Variants in SETBP1 observed in about 807,000 individuals in gnomAD.
SETBP1 encodes the protein SET binding protein 1, also known as SET-binding protein.
A neutral mutation model predicts 101.0 loss-of-function variants in SETBP1; 9 were observed. The ratio of observed to expected loss-of-function variants is 0.09; its 90% confidence interval spans 0.05 to 0.16. The LOEUF is 0.16. Among genes scored for constraint, SETBP1 ranks in the 10% least tolerant of loss-of-function variants. SETBP1 has a pLI of 1.00. For synonymous variants in SETBP1, 818 were observed against 788.5 expected, an observed-to-expected ratio of 1.04 and a Z score of -0.63; for missense variants, 1,858 against 2,033.8, an observed-to-expected ratio of 0.91 and a Z score of 1.66.
intron 4 of SETBP1, among the ~76,000 whole-genome samples, chr18:44,989,800 C>T (rs1159730089): frequency 9.5e-5 from 12 of 125,746 alleles, no homozygotes; most frequent in South Asian, 2.8e-4. Flanking sequence ...ACCCGGGAGG[C>T]GGAGCTTGCA....
chr18:44,749,129 C>A (rs2070326954), intron 2 of SETBP1, among the ~76,000 whole-genome samples: 1 of 152,200 alleles, frequency 6.6e-6, no homozygotes, highest in African/African-American at 2.4e-5. Context: ...CCCTTTCCAT[C>A]ACTCAAAGCA....
At chr18:44,806,437 T>A (rs1373358335) in intron 2 of SETBP1, among the ~76,000 whole-genome samples, 1 of 152,056 alleles carries the variant, frequency 6.6e-6, no homozygotes, top group Non-Finnish European at 1.5e-5. Flanking sequence ...TCTCTCTCTG[T>A]CTCGCTGTAT....
chr18:44,847,673 A>C (rs1174216679), intron 2 of SETBP1, among the ~76,000 whole-genome samples: 2 of 152,234 alleles, frequency 1.3e-5, no homozygotes, highest in Non-Finnish European at 2.9e-5. Context: ...AAGTCCCTGT[A>C]CTTCTGGAGT....
chr18:44,818,390 A>G (rs551549942), intron 2 of SETBP1, among the ~76,000 whole-genome samples: 1 of 152,288 alleles, frequency 6.6e-6, no homozygotes, highest in South Asian at 2.1e-4. Flanking sequence ...GGGCAGTGAC[A>G]TTGGCCAAGG....
At chr18:44,729,914 T>C in intron 2 of SETBP1, among the ~76,000 whole-genome samples, 1 of 152,180 alleles carries the variant, frequency 6.6e-6, no homozygotes, top group East Asian at 1.9e-4. Flanking sequence ...ACTGTGACTT[T>C]TGAGAGAGTG....
chr18:44,879,997 A>G (rs622068), intron 3 of SETBP1, among the ~76,000 whole-genome samples: 151,508 of 152,346 alleles, frequency 0.99, 75,344 homozygotes, highest in East Asian at 1. Context: ...CAGGCCCAGT[A>G]ATCCTCTCCA....
rs180678704 is a variant in SETBP1, at chr18:44,728,015, G to A, written c.486+26183G>A. On this transcript the variant is annotated intron_variant, in intron 2 of 5. Transcript: ENST00000649279. ...CCATTTATCCCCTGTTTGCTCTACC[G>A]TCACTTATTAGGTTCACTCTGAAGA... is the stretch of plus-strand genomic sequence containing the variant. 5.9e-5 allele frequency among the ~76,000 whole-genome samples: 9 copies of A among 152,260 alleles called. No individual in the cohort carries two copies. The East Asian group carries it at 7.7e-4, about 13-fold the overall frequency.
In SETBP1 at chr18:44,815,421, A is replaced by G. The variant is rs765801264; in HGVS notation, c.487-53809A>G. 6.3e-4 allele frequency among the ~76,000 whole-genome samples: 96 copies of G among 152,234 alleles called. 3 individuals carry two copies. The highest frequency in any genetic ancestry group is 2.0e-4 in the Admixed American group (3 of 15,284). ...CCGTATCTACTTTTCAGGGGCAAAG[A>G]AGGGAGAAATGGGCAATAGACATTT... On this transcript the variant is annotated intron_variant, in intron 2 of 5. Transcript: ENST00000649279.
intron 4 of SETBP1, among the ~76,000 whole-genome samples, chr18:45,000,469 G>A (rs2072594191): frequency 6.6e-6 from 1 of 152,110 alleles, no homozygotes; most frequent in Non-Finnish European, 1.5e-5. Flanking sequence ...GGTAAGTGTA[G>A]GGGGAGGTTG....
At chr18:44,868,732 A>G (rs1241721043) in intron 2 of SETBP1, among the ~76,000 whole-genome samples, 82 of 55,202 alleles carry the variant, frequency 1.5e-3, no homozygotes, top group African/African-American at 4.0e-3. Context: ...GGAAGGAAGG[A>G]AGGAAGGAAG....
chr18:45,036,044 TAAG>T (rs757581024), intron 4 of SETBP1, among the ~76,000 whole-genome samples: 4 of 152,164 alleles, frequency 2.6e-5, no homozygotes, highest in Non-Finnish European at 5.9e-5. Context: ...TAAAGAAGGC[TAAG>T]AAGTGGCCAG....
rs185089297 is a variant in SETBP1, at chr18:44,737,741, A to G, written c.486+35909A>G. Among the ~76,000 whole-genome samples, 22 of 152,346 alleles carry G rather than the reference A, an allele frequency of 1.4e-4. No individual in the cohort carries two copies. In the East Asian group the frequency reaches 4.1e-3, roughly 28 times the overall value. ...TGCCTTTGTAGGCAGTGAGTTTCCA[A>G]TAGCTGGCTGGAAGTTCCAGAACAG... On this transcript the variant is annotated intron_variant, in intron 2 of 5. Transcript: ENST00000649279.
chr18:44,832,197 CAG>C (rs1007725637), intron 2 of SETBP1, among the ~76,000 whole-genome samples: 19 of 152,136 alleles, frequency 1.2e-4, no homozygotes. Context: ...AATTTGAAAA[CAG>C]AGTTGAAAAA....
chr18:45,020,258 TAAAAAAAAAAAAAAAAAAAAAAAA>T (rs57134217), intron 4 of SETBP1, among the ~76,000 whole-genome samples: 3 of 53,086 alleles, frequency 5.7e-5, no homozygotes, highest in Admixed American at 5.6e-4. Context: ...GACTCTGTCT[TAAAAAAAAAAAAAAAAAAAAAAAA>T]AAAAAAAAAA....
intron 3 of SETBP1, among the ~76,000 whole-genome samples, chr18:44,879,141 T>A (rs1268447180): frequency 6.6e-6 from 1 of 152,252 alleles, no homozygotes; most frequent in Non-Finnish European, 1.5e-5. Flanking sequence ...TTGTAATCTT[T>A]ACAGCTATAA....
At chr18:44,808,050 G>C (rs2071784993) in intron 2 of SETBP1, among the ~76,000 whole-genome samples, 2 of 152,188 alleles carry the variant, frequency 1.3e-5, no homozygotes, top group African/African-American at 4.8e-5. Context: ...AACTAGATTG[G>C]AGGTGAAAGA....
chr18:44,753,204 C>T (rs1171521820), intron 2 of SETBP1, among the ~76,000 whole-genome samples: 1 of 152,150 alleles, frequency 6.6e-6, no homozygotes, highest in African/African-American at 2.4e-5. Flanking sequence ...CTGCCAGAAC[C>T]TCTAATCCAC....
At chr18:44,787,574 G>A (rs2071264151) in intron 2 of SETBP1, among the ~76,000 whole-genome samples, 2 of 152,076 alleles carry the variant, frequency 1.3e-5, no homozygotes, top group African/African-American at 4.8e-5. Context: ...AAAATTGTTG[G>A]CCGGGCGCGG....
At chr18:44,731,659 C>T (rs572117755) in intron 2 of SETBP1, among the ~76,000 whole-genome samples, 19 of 152,072 alleles carry the variant, frequency 1.2e-4, no homozygotes, top group East Asian at 9.7e-4. Context: ...CACACGCGCA[C>T]GCACACACAC....
Sources: allele counts gnomAD v4.1 joint callset (sites outside exome capture counted in the v4.1 genomes callset), GRCh38; gene constraint gnomAD v4.1.1; transcripts MANE v1.5; gene names NCBI Gene and HGNC (gene_info 2026-07-23, HGNC 2026-07-21).